The following EDC3 variants were observed in gnomAD, a reference collection of about 807,000 sequenced individuals.
EDC3 encodes enhancer of mRNA decapping 3.
Under a neutral mutation model 41.8 loss-of-function variants are expected in EDC3, and 20 were observed. The ratio of observed to expected loss-of-function variants is 0.48; its 90% CI spans 0.34 to 0.70. The LOEUF (loss-of-function observed/expected upper bound fraction) is 0.70, where lower values mean the gene tolerates loss of function less well. Ranked by LOEUF, EDC3 falls within the 30% of genes least tolerant of loss-of-function variation. The probability of loss-of-function intolerance (pLI) is 0.01; values close to 1 mark genes in which losing one functional copy is unlikely to be tolerated. For synonymous variants in EDC3, 206 were observed against 243.2 expected (o/e 0.85, Z 1.42); for missense variants, 444 against 636.8 (o/e 0.70, Z 3.26).
At chr15:74,690,857 A>G (rs1445604354) in intron 1 of EDC3, among the ~76,000 whole-genome samples, 1 of 152,160 alleles carries the variant, frequency 6.6e-6, no homozygotes, top group East Asian at 1.9e-4. Context: ...ATCTTCCATA[A>G]AAGGCAGCAC....
chr15:74,669,773 T>C (rs953145936), intron 3 of EDC3, among the ~76,000 whole-genome samples: 13 of 152,116 alleles, frequency 8.5e-5, no homozygotes, highest in Admixed American at 8.5e-4. Context: ...AATTGTGCCT[T>C]TTAGAAGGTA....
chr15:74,647,183 T>C (rs2062428853), intron 4 of EDC3, among the ~76,000 whole-genome samples: 2 of 152,178 alleles, frequency 1.3e-5, no homozygotes, highest in East Asian at 1.9e-4. Context: ...CTAATTTTTA[T>C]ATTTTTAGTA....
At chr15:74,685,999 C>A (rs1182594296) in intron 1 of EDC3, among the ~76,000 whole-genome samples, 1 of 152,116 alleles carries the variant, frequency 6.6e-6, no homozygotes, top group Non-Finnish European at 1.5e-5. Flanking sequence ...TCGAGACCAG[C>A]CTGACCAACA....
chr15:74,692,934 A>G (rs979775670), intron 1 of EDC3: 6 of 152,252 alleles, frequency 3.9e-5, no homozygotes, highest in Non-Finnish European at 5.9e-5. Flanking sequence ...TTAAAAGTAT[A>G]TAAGATCTAA....
intron 3 of EDC3, among the ~76,000 whole-genome samples, chr15:74,659,866 G>A (rs7497906): frequency 0.17 from 26,546 of 151,834 alleles, 3,379 homozygotes; most frequent in East Asian, 0.42. Flanking sequence ...CCAACATGGT[G>A]AAACCCCGTC....
chr15:74,633,887 C>A (rs1028165178), intron 6 of EDC3, among the ~76,000 whole-genome samples: 1 of 152,186 alleles, frequency 6.6e-6, no homozygotes, highest in Non-Finnish European at 1.5e-5. Context: ...GAATGTGCCA[C>A]CGGGGGGAGT....
intron 2 of EDC3, 24 bp downstream of exon 2, chr15:74,674,937 A>T: frequency 6.2e-7 from 1 of 1,613,526 alleles, no homozygotes; most frequent in Non-Finnish European, 8.5e-7. Context: ...GGTTGGATTC[A>T]GAAGAGTCAG....
At chr15:74,675,297 T>C (rs997510174) in intron 1 of EDC3, among the ~76,000 whole-genome samples, 155 bp from the exon 2 acceptor site, 2 of 151,954 alleles carry the variant, frequency 1.3e-5, no homozygotes, top group Non-Finnish European at 2.9e-5. Context: ...AAAATTAAAA[T>C]TTTTTTTCAG....
At chr15:74,664,516 C>T (rs1596319059) in intron 3 of EDC3, among the ~76,000 whole-genome samples, 1 of 152,234 alleles carries the variant, frequency 6.6e-6, no homozygotes, top group African/African-American at 2.4e-5. Context: ...ACCCTCAGTG[C>T]CACTTATTTA....
chr15:74,659,128 G>A (rs1042225751), intron 3 of EDC3, among the ~76,000 whole-genome samples: 6 of 152,110 alleles, frequency 3.9e-5, no homozygotes, highest in African/African-American at 1.4e-4. Flanking sequence ...CTAGGTGCTA[G>A]GATGATAAAA....
At chr15:74,663,645 C>T (rs948606952) in intron 3 of EDC3, among the ~76,000 whole-genome samples, 3 of 141,556 alleles carry the variant, frequency 2.1e-5, no homozygotes, top group Non-Finnish European at 4.5e-5. Context: ...AGATACGCAA[C>T]TTTTATTTGG....
At chr15:74,689,108 C>G (rs955899944) in intron 1 of EDC3, among the ~76,000 whole-genome samples, 1 of 152,124 alleles carries the variant, frequency 6.6e-6, no homozygotes. Context: ...CAGTATATTT[C>G]TGCGATGGAC....
At chr15:74,669,144 T>C (rs9888684) in intron 3 of EDC3, among the ~76,000 whole-genome samples, 137,881 of 151,942 alleles carry the variant, frequency 0.91, 63,037 homozygotes, top group African/African-American at 0.98. Context: ...GCCGAGAGTT[T>C]GAGACCAGCC....
intron 4 of EDC3, chr15:74,643,966 T>G (rs977449668): frequency 3.9e-5 from 6 of 152,126 alleles, no homozygotes; most frequent in Non-Finnish European, 8.8e-5. Context: ...GATGTCACAC[T>G]GGTTCCTTTA....
intron 6 of EDC3, among the ~76,000 whole-genome samples, chr15:74,634,527 A>G (rs1247359359): frequency 1.3e-5 from 2 of 152,152 alleles, no homozygotes; most frequent in African/African-American, 2.4e-5. Context: ...TGCATATCCA[A>G]TAGGTGTCTC....
intron 1 of EDC3, among the ~76,000 whole-genome samples, chr15:74,689,616 C>T (rs2062979934): frequency 6.6e-6 from 1 of 152,198 alleles, no homozygotes; most frequent in Non-Finnish European, 1.5e-5. Context: ...GCTCCGCCTC[C>T]TGGGTTCACA....
intron 1 of EDC3, among the ~76,000 whole-genome samples, chr15:74,689,443 A>G (rs2062976443): frequency 6.6e-6 from 1 of 152,130 alleles, no homozygotes; most frequent in African/African-American, 2.4e-5. Context: ...GAATTCAGAG[A>G]TGTTGTGAAT....
At position 74,671,445 on chromosome 15, in the gene EDC3, C is replaced by A; in HGVS notation, c.484+10G>T. 1 of 1,603,134 alleles carries A rather than the reference C, an allele frequency of 6.2e-7. No homozygotes were observed. The highest frequency in any genetic ancestry group is 1.1e-5 in the South Asian group (1 of 90,518). ...AGATTGAGAAGAAATATCAACTTGA[C>A]CCTACTTACAGGAGTTGTGCCGACG... On this transcript the variant is annotated intron_variant, in intron 3 of 6. Transcript: ENST00000315127. This position sits in a 1 kb window ranked among gnomAD's most constrained non-coding sequence, Gnocchi z 4.6.
At chr15:74,664,156 A>G (rs75232441) in intron 3 of EDC3, among the ~76,000 whole-genome samples, 2,711 of 152,340 alleles carry the variant, frequency 0.018, 73 homozygotes, top group African/African-American at 0.062. Flanking sequence ...GAAAGATAAG[A>G]GAACATAAAA....
Sources: gnomAD v4.1 joint callset for allele counts (sites outside exome capture counted in the v4.1 genomes callset) on GRCh38, gnomAD v4.1.1 for gene constraint, Gnocchi (gnomAD v3.1) non-coding constraint, MANE v1.5 for transcripts, NCBI Gene and HGNC (gene_info 2026-07-23, HGNC 2026-07-21) for gene names.